Variants in CLEC1B observed in about 807,000 individuals in gnomAD.
CLEC1B encodes the protein C-type lectin domain family 1 member B.
CLEC1B carries 26 observed loss-of-function variants against 26.7 expected under a neutral mutation model. The ratio of observed to expected loss-of-function variants is 0.97; its 90% CI spans 0.71 to 1.35. The LOEUF (loss-of-function observed/expected upper bound fraction) is 1.35, where lower values mean the gene tolerates loss of function less well. CLEC1B is among the 40% of genes most tolerant of loss of function. The pLI is 0.00. For missense variants in CLEC1B, 293 were observed against 282.6 expected, an observed-to-expected ratio of 1.04 and a Z score of -0.26; for synonymous variants, 112 against 96.0, an observed-to-expected ratio of 1.17 and a Z score of -0.97.
chr12:9,998,275 C>T lies in CLEC1B; in HGVS notation c.163+7G>A, dbSNP rs201996581. The T allele has an allele frequency of 1.6e-3, 2,614 of 1,612,086 alleles. 6 individuals carry two copies. Among genetic ancestry groups the T allele is most frequent in the Non-Finnish European group, 2.0e-3 (2,395 of 1,178,220 alleles). Reference sequence around the variant, plus strand: ...CCAGTCAAATTTCTGGCAGAGTCAACACTTACACCAAATCCCCAGAGCCAC... The same window carrying T: ...CCAGTCAAATTTCTGGCAGAGTCAATACTTACACCAAATCCCCAGAGCCAC... On this transcript the variant is annotated splice_region_variant and intron_variant, in intron 2 of 5. Coordinates refer to ENST00000298527, the MANE Select transcript of CLEC1B (RefSeq NM_016509.4).
intron 4 of CLEC1B, chr12:9,996,640 G>T (rs537276963): frequency 1.9e-5 from 13 of 677,608 alleles, no homozygotes; most frequent in Non-Finnish European, 3.2e-5. Flanking sequence ...AAGTCAATTT[G>T]ACTGATCAAC....
At chr12:9,994,779 G>C (rs1332132729) in intron 5 of CLEC1B, among the ~76,000 whole-genome samples, 1 of 151,978 alleles carries the variant, frequency 6.6e-6, no homozygotes, top group Non-Finnish European at 1.5e-5. Context: ...TTAAAAATAT[G>C]TGAAGATAAT....
intron 3 of CLEC1B, 78 bp downstream of exon 3, chr12:9,997,082 C>A (rs1865070071): frequency 1.9e-6 from 3 of 1,608,776 alleles, no homozygotes; most frequent in Non-Finnish European, 2.5e-6. Context: ...TTCTGCAGAT[C>A]TCAAACTCCC....
chr12:9,997,750 T>TA (rs1225103873), intron 2 of CLEC1B, among the ~76,000 whole-genome samples: 8 of 152,190 alleles, frequency 5.3e-5, no homozygotes, highest in East Asian at 1.9e-4. Flanking sequence ...TAACATCTTT[T>TA]AAAAAAATCA....
Position 9,995,175 on chromosome 12 carries a change from C to T in CLEC1B, c.510G>A (p.Trp170Ter). The T allele has an allele frequency of 1.9e-6, 3 of 1,613,174 alleles. No homozygotes were observed. The highest frequency in any genetic ancestry group is 1.7e-6 in the Non-Finnish European group (2 of 1,179,212). ...GLSRQKSNEVWKWEDGSVISE... is the reference protein window; with the variant it reads ...GLSRQKSNEV ...AGATAACCGAGCCATCCTCCCACTT[C>T]CAGACCTCATTCGACTTCTGGCGAG... is the stretch of plus-strand genomic sequence containing the variant. Residue 170 changes from tryptophan (W) to a stop codon, truncating the protein, a stop_gained, in exon 5 of 6, where the codon TGG (tryptophan) becomes TGA (stop). Coordinates refer to ENST00000298527, the MANE Select transcript of CLEC1B (RefSeq NM_016509.4). LOFTEE classifies it low-confidence loss of function (END_TRUNC).
chr12:10,000,281 A>T (rs1865142773), upstream of CLEC1B, among the ~76,000 whole-genome samples: 1 of 152,258 alleles, frequency 6.6e-6, no homozygotes, highest in African/African-American at 2.4e-5. Context: ...CCTTTGGCAT[A>T]GCCCGTAGAT....
chr12:9,997,308 T>G, intron 2 of CLEC1B, 29 bp from the exon 3 acceptor site: 2 of 1,581,746 alleles, frequency 1.3e-6, no homozygotes, highest in Non-Finnish European at 8.6e-7. Context: ...TAATAATAAT[T>G]TGTAATTAGA....
At chr12:9,998,857 T>C (rs1865117081) in intron 1 of CLEC1B, among the ~76,000 whole-genome samples, 180 bp downstream of exon 1, 1 of 152,192 alleles carries the variant, frequency 6.6e-6, no homozygotes. Context: ...ATATTGGATG[T>C]TTGTAATCTA....
In CLEC1B at chr12:9,996,914, C is replaced by T. The variant is rs1344429751; in HGVS notation, c.370G>A (p.Glu124Lys). The change falls in exon 4 of 6, where the codon GAA becomes AAA. Residue 124 changes from glutamate to lysine, a missense_variant. Transcript: ENST00000298527. ...YGFFRHNLTW[E>K]ESKQYCTDMN... Reference sequence around the variant, plus strand: ...TCAGTGCAGTACTGCTTACTCTCTTCCCATGTTAAGTTGTGCCTGAAGAAC... The same window carrying T: ...TCAGTGCAGTACTGCTTACTCTCTTTCCATGTTAAGTTGTGCCTGAAGAAC... 3 of 1,613,788 alleles carry T rather than the reference C, an allele frequency of 1.9e-6. No individual in the cohort carries two copies. In the African/African-American group the frequency reaches 4.0e-5, roughly 22 times the overall value.
Position 9,994,872 on chromosome 12 carries a change from C to G in CLEC1B, c.545+268G>C, listed in dbSNP as rs1015954727. On this transcript the variant is annotated intron_variant, in intron 5 of 5. Transcript: ENST00000298527. ...ACACTCACACATACACATACATGCA[C>G]ACAGTGTTCCATGGTAAGGTTGAAT... The G allele has an allele frequency of 1.0e-5, 7 of 680,018 alleles. No individual in the cohort carries two copies. The African/African-American group carries it at 1.3e-4, about 13-fold the overall frequency. 42.1% of individuals were successfully genotyped at this position (680,018 alleles called of 1,614,324 possible).
intron 4 of CLEC1B, 95 bp from the exon 5 acceptor site, chr12:9,995,341 G>T: frequency 2.0e-6 from 2 of 994,148 alleles, no homozygotes; most frequent in Non-Finnish European, 3.2e-6. Context: ...GACAAAAAAT[G>T]TTGGATTACA....
At chr12:9,995,308 C>T (rs547939320) in intron 4 of CLEC1B, 62 bp from the exon 5 acceptor site, 20 of 1,386,688 alleles carry the variant, frequency 1.4e-5, no homozygotes, top group Admixed American at 5.0e-5. Flanking sequence ...GTATGATAGA[C>T]AAAGCTTCAT....
At chr12:9,993,777 G>C (rs976201257) in intron 5 of CLEC1B, among the ~76,000 whole-genome samples, 2 of 152,042 alleles carry the variant, frequency 1.3e-5, no homozygotes, top group African/African-American at 2.4e-5. Flanking sequence ...AACACAGCAG[G>C]CTGTATTGTA....
rs1015720243 is a variant in CLEC1B, at chr12:9,998,921, C to T, written c.64+116G>A. On this transcript the variant is annotated intron_variant, in intron 1 of 5. Coordinates refer to ENST00000298527, the MANE Select transcript of CLEC1B (RefSeq NM_016509.4). ...CTACTCAAATGCTTTAGAGCATTAA[C>T]ATCATTCAAGAAAAAGAAATTAAAC... 29 of 630,368 alleles carry T rather than the reference C, an allele frequency of 4.6e-5. No individual in the cohort carries two copies. The African/African-American group carries it at 5.0e-4, about 11-fold the overall frequency. The allele number at this position is 630,368 out of a possible 1,614,324, so 39.0% of individuals were successfully genotyped here.
At position 9,993,301 on chromosome 12, in the gene CLEC1B, G is replaced by A; in HGVS notation, c.546-14C>T. On this transcript the variant is annotated splice_polypyrimidine_tract_variant and intron_variant, in intron 5 of 5. Coordinates refer to ENST00000298527, the MANE Select transcript of CLEC1B (RefSeq NM_016509.4). ...AAAAACTCAAACCTGTGAAGGGAAA[G>A]TTAGAATAAATTCCTTTGAAAACTG... 1.3e-6 allele frequency: 2 copies of A among 1,542,742 alleles called. No individual in the cohort carries two copies. The highest frequency in any genetic ancestry group is 2.4e-5 in the East Asian group (1 of 41,348).
chr12:9,996,357 C>A (rs911835889), intron 4 of CLEC1B, among the ~76,000 whole-genome samples: 1 of 152,142 alleles, frequency 6.6e-6, no homozygotes, highest in Non-Finnish European at 1.5e-5. Context: ...CTGGCATCTG[C>A]CTAGACTAAT....
upstream of CLEC1B, chr12:9,999,174 A>G (rs1015356349): frequency 2.1e-5 from 19 of 915,336 alleles, no homozygotes; most frequent in Non-Finnish European, 3.4e-5. Flanking sequence ...TTACAATTTC[A>G]GTATCTGTCA....
rs186022027 is a variant in CLEC1B at position 9,999,058 on chromosome 12, G to A, written c.43C>T (p.Arg15Trp). 9 of 1,605,382 alleles carry A rather than the reference G, an allele frequency of 5.6e-6. No homozygotes were observed. In the Admixed American group the frequency reaches 6.7e-5, roughly 12 times the overall value. The change falls in exon 1 of 6, where the codon CGG becomes TGG. Residue 15 changes from arginine (R) to tryptophan (W), a missense_variant. Coordinates refer to ENST00000298527, the MANE Select transcript of CLEC1B (RefSeq NM_016509.4). ...DGYITLNIKTRKPALISVGSA... is the reference protein window; with the variant it reads ...DGYITLNIKTWKPALISVGSA... ...TTACCGGAGATGAGAGCTGGTTTCC[G>A]AGTTTTAATATTTAAGGTGATGTAT...
At chr12:10,001,896 T>C (rs1865164190), upstream of CLEC1B, among the ~76,000 whole-genome samples, 1 of 151,648 alleles carries the variant, frequency 6.6e-6, no homozygotes, top group African/African-American at 2.4e-5. Context: ...TTTTTTTTTT[T>C]TGAGACTGAG....
Sources: gnomAD v4.1 joint callset for allele counts (sites outside exome capture counted in the v4.1 genomes callset) on GRCh38, gnomAD v4.1.1 for gene constraint, MANE v1.5 for transcripts, NCBI Gene and HGNC (gene_info 2026-07-23, HGNC 2026-07-21) for gene names.